The following MTMR2 variants were observed in gnomAD, a reference collection of about 807,000 sequenced individuals.
MTMR2 encodes phosphatidylinositol-3,5-bisphosphate 3-phosphatase MTMR2.
In MTMR2, 55 loss-of-function variants were observed where a neutral mutation model predicts 86.9. The ratio of observed to expected loss-of-function variants is 0.63; its 90% CI spans 0.51 to 0.79. MTMR2 has a LOEUF of 0.79. MTMR2 is among the 30% of genes least tolerant of loss of function. MTMR2 has a pLI of 0.00. For missense variants in MTMR2, 659 were observed against 772.3 expected (o/e 0.85, Z 1.74); for synonymous variants, 241 against 266.8 (o/e 0.90, Z 0.94).
Position 95,834,036 on chromosome 11 carries a change from A to G in MTMR2, c.*1254T>C, listed in dbSNP as rs1421170275. The stretch of plus-strand genomic sequence containing the variant: ...ATCTGGGGTGCATATTCCTCCAATA[A>G]TTTCCAAATATTTCTGGGGAAAAAA... On this transcript the variant is annotated 3_prime_UTR_variant, in exon 15 of 15. Transcript: ENST00000346299. The G allele has an allele frequency of 6.7e-6, 1 of 150,014 alleles. No homozygotes were observed. The highest frequency in any genetic ancestry group is 1.5e-5 in the Non-Finnish European group (1 of 67,936). The allele number at this position is 150,014 out of a possible 1,614,324, so 9.3% of individuals were successfully genotyped here. A position where few individuals can be genotyped will look rare whatever the true frequency, so the allele number is the denominator to read the frequency against.
chr11:95,918,446 T>C (rs1866789681), intron 1 of MTMR2, among the ~76,000 whole-genome samples: 1 of 152,208 alleles, frequency 6.6e-6, no homozygotes, highest in African/African-American at 2.4e-5. Flanking sequence ...AATACAGATA[T>C]ATACGGGACC....
intron 1 of MTMR2, among the ~76,000 whole-genome samples, chr11:95,908,729 C>T (rs997773040): frequency 2.9e-4 from 44 of 152,036 alleles, no homozygotes; most frequent in African/African-American, 1.0e-3. Flanking sequence ...CTGACAAATG[C>T]AAGCATTGGG....
intron 3 of MTMR2, among the ~76,000 whole-genome samples, chr11:95,863,359 G>C (rs867537508): frequency 2.6e-5 from 4 of 152,106 alleles, no homozygotes; most frequent in Non-Finnish European, 2.9e-5. Context: ...CGAAGGACTG[G>C]CTGCTTTGTA....
Position 95,835,345 on chromosome 11 carries a change from G to C in MTMR2, c.1877C>G (p.Ser626Ter). The C allele has an allele frequency of 4.3e-6, 7 of 1,613,112 alleles. No homozygotes were observed. Among genetic ancestry groups the C allele is most frequent in the Non-Finnish European group, 5.9e-6 (7 of 1,179,356 alleles). The change falls in exon 15 of 15, where the codon TCA (serine) becomes TGA (stop). Residue 626 changes from serine to a stop codon, truncating the protein, a stop_gained. Coordinates refer to ENST00000346299, the MANE Select transcript of MTMR2 (RefSeq NM_016156.6). LOFTEE classifies it high-confidence loss of function. ...REISNRSTSS[S>*]ERASSPAQCV... ...CTGTGCAGGAGAGCTGGCTCTCTCT[G>C]AGGATGAGGTTGATCGGTTAGAAAT...
chr11:95,871,723 A>T (rs1864894897), intron 2 of MTMR2, among the ~76,000 whole-genome samples: 1 of 152,136 alleles, frequency 6.6e-6, no homozygotes, highest in Non-Finnish European at 1.5e-5. Flanking sequence ...TGCTGTGCAG[A>T]AGCTCTTTAG....
Position 95,862,109 on chromosome 11 carries a change from A to C in MTMR2, c.358-7T>G. 6.3e-7 allele frequency: 1 copy of C among 1,585,048 alleles called. No individual in the cohort carries two copies. Among genetic ancestry groups the C allele is most frequent in the Non-Finnish European group, 8.6e-7 (1 of 1,156,530 alleles). On this transcript the variant is annotated splice_polypyrimidine_tract_variant and splice_region_variant and intron_variant, in intron 4 of 14. Coordinates refer to ENST00000346299, the MANE Select transcript of MTMR2 (RefSeq NM_016156.6). Reference sequence around the variant, plus strand: ...CTAAAACAAATGGGGGATCCTAAAGAAGGAAAGAAAAAATAATTAAAACTG... The same window carrying C: ...CTAAAACAAATGGGGGATCCTAAAGCAGGAAAGAAAAAATAATTAAAACTG...
intron 1 of MTMR2, among the ~76,000 whole-genome samples, chr11:95,906,173 C>T (rs887022889): frequency 1.3e-5 from 2 of 152,074 alleles, no homozygotes; most frequent in South Asian, 2.1e-4. Context: ...TGCAGTGAGC[C>T]GAGATAGTGC....
At chr11:95,862,513 A>C in intron 3 of MTMR2, 147 bp from the exon 4 acceptor site, 1 of 698,888 alleles carries the variant, frequency 1.4e-6, no homozygotes, top group South Asian at 1.6e-5. Flanking sequence ...AGAATCCTAC[A>C]ACCCAAGCTT....
intron 1 of MTMR2, among the ~76,000 whole-genome samples, chr11:95,919,748 AGAAG>A (rs1200011795): frequency 2.6e-5 from 4 of 152,208 alleles, no homozygotes; most frequent in African/African-American, 9.7e-5. Context: ...CAAATTCAAC[AGAAG>A]GAATCCTTTT....
Position 95,924,104 on chromosome 11 carries a change from G to A in MTMR2, c.-150C>T. ...CCGGAAGCGGCCATGTTCCCCCAGA[G>A]TGCACCGCGCCTGTAGGCTGCTGGG... On this transcript the variant is annotated 5_prime_UTR_variant, in exon 1 of 15. Transcript: ENST00000346299. 4.1e-6 allele frequency: 4 copies of A among 963,884 alleles called. No homozygotes were observed. The highest frequency in any genetic ancestry group is 6.4e-6 in the Non-Finnish European group (4 of 629,492). 59.7% of individuals were successfully genotyped at this position (963,884 alleles called of 1,614,324 possible).
At chr11:95,916,474 T>C (rs1565390695) in intron 1 of MTMR2, among the ~76,000 whole-genome samples, 1 of 152,148 alleles carries the variant, frequency 6.6e-6, no homozygotes, top group Non-Finnish European at 1.5e-5. Context: ...AACAATAATT[T>C]TGGTTCATGA....
At chr11:95,875,910 C>CAGT in intron 2 of MTMR2, among the ~76,000 whole-genome samples, 1 of 152,294 alleles carries the variant, frequency 6.6e-6, no homozygotes, top group Non-Finnish European at 1.5e-5. Context: ...GTCTGCAGAA[C>CAGT]AGTAGATATT....
intron 1 of MTMR2, chr11:95,923,578 G>T: frequency 1.0e-6 from 1 of 975,650 alleles, no homozygotes; most frequent in Non-Finnish European, 1.4e-6. Flanking sequence ...AAAAAGGTTT[G>T]AGAGGGAATG....
chr11:95,914,682 A>G (rs920502417), intron 1 of MTMR2, among the ~76,000 whole-genome samples: 62 of 152,312 alleles, frequency 4.1e-4, no homozygotes, highest in African/African-American at 1.3e-3. Flanking sequence ...CCAGCAAAAT[A>G]GCAGGTCAAG....
intron 6 of MTMR2, among the ~76,000 whole-genome samples, chr11:95,857,995 C>G (rs1477757265): frequency 6.6e-6 from 1 of 152,092 alleles, no homozygotes; most frequent in African/African-American, 2.4e-5. Flanking sequence ...ATAAGACCAA[C>G]GTTGATTCCA....
intron 1 of MTMR2, among the ~76,000 whole-genome samples, chr11:95,914,847 T>C (rs1002948774): frequency 9.9e-5 from 15 of 152,126 alleles, no homozygotes; most frequent in Admixed American, 5.9e-4. Context: ...TGAATTCACA[T>C]GTCAAGGTAC....
At chr11:95,923,270 T>C (rs1053285236) in intron 1 of MTMR2, among the ~76,000 whole-genome samples, 9 of 152,350 alleles carry the variant, frequency 5.9e-5, no homozygotes, top group South Asian at 4.1e-4. Context: ...ACCACTCAGA[T>C]TCCTTGATAC....
chr11:95,857,639 CA>C lies in MTMR2; in HGVS notation c.571-5del. 2 of 1,577,372 alleles carry C rather than the reference CA, an allele frequency of 1.3e-6. No homozygotes were observed. The highest frequency in any genetic ancestry group is 1.7e-6 in the Non-Finnish European group (2 of 1,149,944). ...TGTATTCAAAAGCAAAAAGAGGCTA[CA>C]AAAAAGTAAACAATGGTAAGAGCTA... is the stretch of plus-strand genomic sequence containing the variant. On this transcript the variant is annotated splice_region_variant and splice_polypyrimidine_tract_variant and intron_variant, in intron 6 of 14. Transcript: ENST00000346299.
chr11:95,865,600 C>A lies in MTMR2; in HGVS notation c.262+1G>T. On this transcript the variant is annotated splice_donor_variant, in intron 3 of 14. Coordinates refer to ENST00000346299, the MANE Select transcript of MTMR2 (RefSeq NM_016156.6). LOFTEE classifies it high-confidence loss of function. ...ATTAAGCAAAAAATACCATTACGGACCCATGTCTTTAATATTTTCTCCTGG... is the reference window on the plus strand; with the variant it reads ...ATTAAGCAAAAAATACCATTACGGAACCATGTCTTTAATATTTTCTCCTGG... 1 of 1,590,638 alleles carries A rather than the reference C, an allele frequency of 6.3e-7. No individual in the cohort carries two copies. Among genetic ancestry groups the A allele is most frequent in the Non-Finnish European group, 8.6e-7 (1 of 1,161,414 alleles).
Sources: gnomAD v4.1 joint callset for allele counts (sites outside exome capture counted in the v4.1 genomes callset) on GRCh38, gnomAD v4.1.1 for gene constraint, MANE v1.5 for transcripts, NCBI Gene and HGNC (gene_info 2026-07-23, HGNC 2026-07-21) for gene names.